The following ZNF207 variants were observed in gnomAD, a reference collection of about 807,000 sequenced individuals.
ZNF207 encodes the protein BUB3-interacting and GLEBS motif-containing protein ZNF207.
In ZNF207, 24 loss-of-function variants were observed where a neutral mutation model predicts 60.2. The ratio of observed to expected loss-of-function variants is 0.40; its 90% CI spans 0.29 to 0.56. The LOEUF (loss-of-function observed/expected upper bound fraction) is 0.56, where lower values mean the gene tolerates loss of function less well. ZNF207 is among the 20% of genes least tolerant of loss of function. The pLI is 0.49. For synonymous variants in ZNF207, 236 were observed against 194.7 expected (o/e 1.21, Z -1.77); for missense variants, 452 against 636.6 (o/e 0.71, Z 3.12).
intron 8 of ZNF207, among the ~76,000 whole-genome samples, chr17:32,366,133 G>T (rs1454513395): frequency 6.6e-6 from 1 of 152,168 alleles, no homozygotes; most frequent in Non-Finnish European, 1.5e-5. Flanking sequence ...TCAGAATTTA[G>T]ATCGGGATGT....
rs1905436364 is a variant in ZNF207, at chr17:32,370,884, C to G, written c.*1125C>G. 6.6e-6 allele frequency: 1 copy of G among 152,136 alleles called. No individual in the cohort carries two copies. The highest frequency in any genetic ancestry group is 1.5e-5 in the Non-Finnish European group (1 of 68,032). The allele number at this position is 152,136 out of a possible 1,614,324, so 9.4% of individuals were successfully genotyped here. A position where few individuals can be genotyped will look rare whatever the true frequency, so the allele number is the denominator to read the frequency against. ...TGTAATGCTGAGAATCTAAATGTGTCTCTGTTGGGATGGTTAACAGATGAA... is the reference window on the plus strand; with the variant it reads ...TGTAATGCTGAGAATCTAAATGTGTGTCTGTTGGGATGGTTAACAGATGAA... On this transcript the variant is annotated 3_prime_UTR_variant, in exon 12 of 12. Coordinates refer to ENST00000394670, the MANE Select transcript of ZNF207 (RefSeq NM_001098507.2).
intron 9 of ZNF207, among the ~76,000 whole-genome samples, chr17:32,367,284 T>TATATATATAA (rs1346929445): frequency 1.1e-4 from 14 of 131,060 alleles, no homozygotes; most frequent in African/African-American, 3.9e-4. Context: ...TATATATATA[T>TATATATATAA]AAAGAATACT....
chr17:32,365,249 A>G, intron 7 of ZNF207, 81 bp from the exon 8 acceptor site: 1 of 1,441,798 alleles, frequency 6.9e-7, no homozygotes, highest in African/African-American at 1.4e-5. Context: ...TTAATTGTTA[A>G]TAACTTTGTA....
chr17:32,363,529 C>CCTTTTTTT (rs1905000661), intron 7 of ZNF207, among the ~76,000 whole-genome samples: 1 of 69,568 alleles, frequency 1.4e-5, no homozygotes, highest in Non-Finnish European at 2.8e-5. Context: ...ATCCAACAAA[C>CCTTTTTTT]TTTTTTTTTT....
At position 32,373,170 on chromosome 17, in the gene ZNF207, T is replaced by G; in HGVS notation, c.*3411T>G. On this transcript the variant is annotated 3_prime_UTR_variant, in exon 12 of 12. Coordinates refer to ENST00000394670, the MANE Select transcript of ZNF207 (RefSeq NM_001098507.2). ...TGTACTCCTATTCCACTAAGTTACATTTTGAACTTAGACTCACCTTAATTA... is the reference window on the plus strand; with the variant it reads ...TGTACTCCTATTCCACTAAGTTACAGTTTGAACTTAGACTCACCTTAATTA... 1 of 405,994 alleles carries G rather than the reference T, an allele frequency of 2.5e-6. No individual in the cohort carries two copies. The highest frequency in any genetic ancestry group is 4.4e-6 in the Non-Finnish European group (1 of 227,306). The allele number at this position is 405,994 out of a possible 1,614,324, so 25.1% of individuals were successfully genotyped here.
chr17:32,365,224 C>G (rs988348927), intron 7 of ZNF207, 106 bp from the exon 8 acceptor site: 11 of 1,225,304 alleles, frequency 9.0e-6, no homozygotes, highest in Admixed American at 2.4e-5. Flanking sequence ...TGGATTTAGT[C>G]GAGTCATTGA....
At position 32,375,349 on chromosome 17, in the gene ZNF207, A is replaced by G. The variant is rs1478619509; in HGVS notation, c.*5590A>G. 1 of 152,190 alleles carries G rather than the reference A, an allele frequency of 6.6e-6. No homozygotes were observed. The highest frequency in any genetic ancestry group is 3.2e-3 in the Middle Eastern group (1 of 316). The allele number at this position is 152,190 out of a possible 1,614,324, so 9.4% of individuals were successfully genotyped here. A position where few individuals can be genotyped will look rare whatever the true frequency, so the allele number is the denominator to read the frequency against. Reference sequence around the variant, plus strand: ...TCTCTATTACCTACCATCCTGCAATATGCTGAAATCTTTCTAAGTTGCTTA... The same window carrying G: ...TCTCTATTACCTACCATCCTGCAATGTGCTGAAATCTTTCTAAGTTGCTTA... On this transcript the variant is annotated 3_prime_UTR_variant, in exon 12 of 12. Transcript: ENST00000394670.
intron 2 of ZNF207, among the ~76,000 whole-genome samples, chr17:32,352,484 C>T (rs571064309): frequency 6.6e-6 from 1 of 152,280 alleles, no homozygotes; most frequent in African/African-American, 2.4e-5. Flanking sequence ...AGATTGGTAA[C>T]ATATCGAAAT....
At chr17:32,363,791 G>A (rs1200644568) in intron 7 of ZNF207, among the ~76,000 whole-genome samples, 4 of 151,466 alleles carry the variant, frequency 2.6e-5, no homozygotes, top group Admixed American at 6.6e-5. Flanking sequence ...TTGGCCTCCC[G>A]AAGTGCTGGG....
intron 5 of ZNF207, 93 bp downstream of exon 5, chr17:32,361,060 TTTTTG>T: frequency 7.2e-7 from 1 of 1,384,048 alleles, no homozygotes; most frequent in Admixed American, 2.0e-5. Flanking sequence ...TACTTTCCAT[TTTTTG>T]CTTCTAGAAG....
chr17:32,361,537 T>C, intron 6 of ZNF207, 22 bp downstream of exon 6: 1 of 1,599,914 alleles, frequency 6.3e-7, no homozygotes, highest in Non-Finnish European at 8.5e-7. Context: ...ATTCATAATG[T>C]AATTCAGGAG....
rs767476632 is a variant in ZNF207, at chr17:32,360,593, A to G, written c.308-5A>G. 4.4e-6 allele frequency: 7 copies of G among 1,574,508 alleles called. No homozygotes were observed. The highest frequency in any genetic ancestry group is 6.0e-6 in the Non-Finnish European group (7 of 1,167,284). The stretch of plus-strand genomic sequence containing the variant: ...TCTATGGAAATAATTTTTTTTTTTT[A>G]ACAGAAAGTCAAAAAAAGAAGCAAC... On this transcript the variant is annotated splice_region_variant and splice_polypyrimidine_tract_variant and intron_variant, in intron 3 of 11. Transcript: ENST00000394670.
rs1022064501 is a variant in ZNF207 at position 32,378,249 on chromosome 17, G to A, written c.*8490G>A. On this transcript the variant is annotated 3_prime_UTR_variant, in exon 12 of 12. Transcript: ENST00000394670. ...TACATAAAAGGAAAAGACAGTTTCAGTTGGCTATGCCCTTGTTGATAGATG... is the reference window on the plus strand; with the variant it reads ...TACATAAAAGGAAAAGACAGTTTCAATTGGCTATGCCCTTGTTGATAGATG... 3.3e-5 allele frequency: 5 copies of A among 152,016 alleles called. No individual in the cohort carries two copies. The highest frequency in any genetic ancestry group is 1.2e-4 in the African/African-American group (5 of 41,426). The allele number at this position is 152,016 out of a possible 1,614,324, so 9.4% of individuals were successfully genotyped here.
At chr17:32,355,978 A>C (rs2150789567) in intron 2 of ZNF207, among the ~76,000 whole-genome samples, 1 of 152,316 alleles carries the variant, frequency 6.6e-6, no homozygotes, top group South Asian at 2.1e-4. Context: ...CACTTTATGA[A>C]GAGCAGAGAA....
In ZNF207 at chr17:32,361,751, T is replaced by C. The variant is rs1014953535; in HGVS notation, c.599+236T>C. Among the ~76,000 whole-genome samples, 6 of 152,192 alleles carry C rather than the reference T, an allele frequency of 3.9e-5. No individual in the cohort carries two copies. The South Asian group carries it at 6.2e-4, about 16-fold the overall frequency. On this transcript the variant is annotated intron_variant, in intron 6 of 11. Coordinates refer to ENST00000394670, the MANE Select transcript of ZNF207 (RefSeq NM_001098507.2). The stretch of plus-strand genomic sequence containing the variant: ...TGTGCAGTGATTTTCTCCAAACTAT[T>C]GAAAGTAATGGGACCTGTTAATAAG...
At chr17:32,360,988 G>A in intron 5 of ZNF207, 21 bp downstream of exon 5, 2 of 1,607,988 alleles carry the variant, frequency 1.2e-6, no homozygotes, top group Admixed American at 1.7e-5. Flanking sequence ...TCTTTTAATT[G>A]CCCTGTAGGC....
Position 32,350,333 on chromosome 17 carries a change from T to C in ZNF207, c.41+7T>C, listed in dbSNP as rs1209173395. 1 of 1,613,974 alleles carries C rather than the reference T, an allele frequency of 6.2e-7. No homozygotes were observed. Among genetic ancestry groups the C allele is most frequent in the Non-Finnish European group, 8.5e-7 (1 of 1,180,018 alleles). On this transcript the variant is annotated splice_region_variant and intron_variant, in intron 1 of 11. Transcript: ENST00000394670. ...AGCTGAAGCCGTGGTGCTGGTATCC[T>C]TTGTCGGTTTGAAGTCGAGGTCGCG...
intron 2 of ZNF207, among the ~76,000 whole-genome samples, chr17:32,356,007 G>A (rs1904486017): frequency 6.6e-6 from 1 of 152,160 alleles, no homozygotes. Flanking sequence ...GAAGCTTCAA[G>A]GTTAGTTGAG....
Position 32,380,206 on chromosome 17 carries a change from C to T in ZNF207, c.*10447C>T, listed in dbSNP as rs1209845723. On this transcript the variant is annotated 3_prime_UTR_variant, in exon 12 of 12. Coordinates refer to ENST00000394670, the MANE Select transcript of ZNF207 (RefSeq NM_001098507.2). ...CAGTGAAAATTTGGTAAGTATTTAA[C>T]TTGAAGTGCATGTAATAGTGATGAG... 1 of 152,580 alleles carries T rather than the reference C, an allele frequency of 6.6e-6. No homozygotes were observed. Among genetic ancestry groups the T allele is most frequent in the African/African-American group, 2.4e-5 (1 of 41,430 alleles). 9.5% of individuals were successfully genotyped at this position (152,580 alleles called of 1,614,324 possible). A position where few individuals can be genotyped will look rare whatever the true frequency, so the allele number is the denominator to read the frequency against.
Sources: allele counts gnomAD v4.1 joint callset (sites outside exome capture counted in the v4.1 genomes callset), GRCh38; gene constraint gnomAD v4.1.1; transcripts MANE v1.5; gene names NCBI Gene and HGNC (gene_info 2026-07-23, HGNC 2026-07-21).